ROBO1: variants seen among roughly 807,000 people sequenced by gnomAD.
ROBO1 encodes the protein roundabout guidance receptor 1.
A neutral mutation model predicts 195.9 loss-of-function variants in ROBO1; 149 were observed. That is an observed-to-expected ratio of 0.76 (90% CI 0.67 to 0.87). The LOEUF (loss-of-function observed/expected upper bound fraction) is 0.87, where lower values mean the gene tolerates loss of function less well. ROBO1 is among the 40% of genes least tolerant of loss of function. ROBO1 has a pLI of 0.00. For missense variants in ROBO1, 1,933 were observed against 2,068.3 expected (o/e 0.93, Z 1.27); for synonymous variants, 816 against 733.2 (o/e 1.11, Z -1.82).
intron 3 of ROBO1, among the ~76,000 whole-genome samples, chr3:79,116,892 T>C (rs1249994199): frequency 6.6e-6 from 1 of 152,230 alleles, no homozygotes; most frequent in Admixed American, 6.5e-5. Flanking sequence ...TATACTGTAC[T>C]ATTATAAAGT....
chr3:79,168,533 T>C, intron 2 of ROBO1, among the ~76,000 whole-genome samples: 1 of 152,160 alleles, frequency 6.6e-6, no homozygotes, highest in East Asian at 1.9e-4. Context: ...CATTTTACTG[T>C]TTCCAAACTC....
chr3:78,999,360 C>T (rs1386513017), intron 3 of ROBO1, among the ~76,000 whole-genome samples: 2 of 151,968 alleles, frequency 1.3e-5, no homozygotes, highest in Non-Finnish European at 2.9e-5. Context: ...TACTATGCAG[C>T]CATAAAGAAG....
chr3:79,581,296 G>A (rs550576452), intron 2 of ROBO1, among the ~76,000 whole-genome samples: 1 of 152,010 alleles, frequency 6.6e-6, no homozygotes, highest in South Asian at 2.1e-4. Flanking sequence ...TCCATATGAG[G>A]CACTCTGTTT....
intron 2 of ROBO1, among the ~76,000 whole-genome samples, chr3:79,157,372 C>G (rs1258044674): frequency 1.3e-5 from 2 of 151,888 alleles, no homozygotes; most frequent in Non-Finnish European, 2.9e-5. Flanking sequence ...AGTTACAGAT[C>G]CTTGTTTAGA....
At chr3:79,236,215 T>C (rs2108865661) in intron 2 of ROBO1, among the ~76,000 whole-genome samples, 2 of 152,308 alleles carry the variant, frequency 1.3e-5, no homozygotes, top group South Asian at 4.1e-4. Flanking sequence ...ATTCCTAGTA[T>C]TTACTGACTT....
At chr3:79,444,806 A>T (rs1249249196) in intron 2 of ROBO1, among the ~76,000 whole-genome samples, 1 of 152,170 alleles carries the variant, frequency 6.6e-6, no homozygotes, top group Non-Finnish European at 1.5e-5. Flanking sequence ...ATGCATTAAC[A>T]TAAATGAATA....
chr3:78,980,485 A>T (rs1283987892), intron 3 of ROBO1, among the ~76,000 whole-genome samples: 1 of 152,228 alleles, frequency 6.6e-6, no homozygotes, highest in African/African-American at 2.4e-5. Context: ...TTAATAAAGC[A>T]TTCTTTTCCA....
intron 3 of ROBO1, among the ~76,000 whole-genome samples, chr3:78,995,728 T>C (rs2077348843): frequency 6.8e-6 from 1 of 146,204 alleles, no homozygotes; most frequent in African/African-American, 2.6e-5. Context: ...ATGGTGCCAC[T>C]ATACTCTAGC....
chr3:78,670,707 T>C (rs1338101242), intron 10 of ROBO1, among the ~76,000 whole-genome samples: 2 of 152,054 alleles, frequency 1.3e-5, no homozygotes, highest in South Asian at 2.1e-4. Flanking sequence ...TTTTAATAAA[T>C]GAAGCAAAGC....
intron 4 of ROBO1, among the ~76,000 whole-genome samples, chr3:78,808,871 T>G (rs538686937): frequency 6.6e-6 from 1 of 152,038 alleles, no homozygotes; most frequent in Non-Finnish European, 1.5e-5. Flanking sequence ...GACTTAAAAG[T>G]AAGAGCTAAA....
intron 28 of ROBO1, among the ~76,000 whole-genome samples, chr3:78,609,018 C>A (rs1386111345): frequency 1.3e-5 from 2 of 152,046 alleles, no homozygotes; most frequent in African/African-American, 4.8e-5. Flanking sequence ...CAGGAGAGAT[C>A]AAAACCAGAG....
At chr3:78,743,565 T>G (rs1225356717) in intron 5 of ROBO1, among the ~76,000 whole-genome samples, 2 of 152,152 alleles carry the variant, frequency 1.3e-5, no homozygotes, top group South Asian at 2.1e-4. Flanking sequence ...ACGTAAGAAC[T>G]GATGACTCCT....
chr3:79,603,553 A>G (rs1481932941), intron 1 of ROBO1, among the ~76,000 whole-genome samples: 1 of 151,918 alleles, frequency 6.6e-6, no homozygotes, highest in Non-Finnish European at 1.5e-5. Flanking sequence ...TGGGTGTCAC[A>G]TGTTCAACCA....
At chr3:78,881,221 C>G (rs573813266) in intron 4 of ROBO1, among the ~76,000 whole-genome samples, 2 of 152,106 alleles carry the variant, frequency 1.3e-5, no homozygotes, top group Non-Finnish European at 2.9e-5. Context: ...CTGAGCTGTA[C>G]GAAGGAGAAG....
intron 2 of ROBO1, among the ~76,000 whole-genome samples, chr3:79,248,393 A>G (rs1218695801): frequency 2.7e-5 from 4 of 149,894 alleles, no homozygotes; most frequent in African/African-American, 9.7e-5. Context: ...AAAAAAAAAA[A>G]AAAAGAGAGA....
chr3:79,097,656 A>G (rs1211752333), intron 3 of ROBO1, among the ~76,000 whole-genome samples: 1 of 151,840 alleles, frequency 6.6e-6, no homozygotes, highest in Non-Finnish European at 1.5e-5. Context: ...GAAGTGAATG[A>G]ATGTTTTCAG....
At position 78,945,826 on chromosome 3, in the gene ROBO1, G is replaced by T. The variant is rs1445815055; in HGVS notation, c.173-6899C>A. Among the ~76,000 whole-genome samples, 24 of 152,084 alleles carry T rather than the reference G, an allele frequency of 1.6e-4. 1 individual carries two copies. The highest frequency in any genetic ancestry group is 1.6e-3 in the Admixed American group (24 of 15,258). On this transcript the variant is annotated intron_variant, in intron 3 of 30. Transcript: ENST00000464233. ...AACCAATACAGAGAAGTCCTTAAAG[G>T]ACCTGATGGAGCTGAAAACCAAGGC...
chr3:79,289,844 A>C (rs1269244944), intron 2 of ROBO1, among the ~76,000 whole-genome samples: 5 of 152,162 alleles, frequency 3.3e-5, no homozygotes, highest in African/African-American at 9.7e-5. Flanking sequence ...TGTAATAAAC[A>C]GGTTATTACA....
At chr3:78,765,845 C>A (rs934010678) in intron 4 of ROBO1, among the ~76,000 whole-genome samples, 1 of 152,174 alleles carries the variant, frequency 6.6e-6, no homozygotes, top group Non-Finnish European at 1.5e-5. Context: ...AAATTTACAT[C>A]CCTTGCTGAT....
Sources: gnomAD v4.1 joint callset for allele counts (sites outside exome capture counted in the v4.1 genomes callset) on GRCh38, gnomAD v4.1.1 for gene constraint, MANE v1.5 for transcripts, NCBI Gene and HGNC (gene_info 2026-07-23, HGNC 2026-07-21) for gene names.